Variants in MAPK10 observed in about 807,000 individuals in gnomAD.
The protein encoded by MAPK10 is JNK3 alpha protein kinase.
In MAPK10, 25 loss-of-function variants were observed where a neutral mutation model predicts 59.3. The ratio of observed to expected loss-of-function variants is 0.42; its 90% CI spans 0.31 to 0.59. The LOEUF (loss-of-function observed/expected upper bound fraction) is 0.59, where lower values mean the gene tolerates loss of function less well. Among genes scored for constraint, MAPK10 ranks in the 20% least tolerant of loss-of-function variants. MAPK10 has a pLI of 0.15. For missense variants in MAPK10, 351 were observed against 568.9 expected (o/e 0.62, Z 3.90); for synonymous variants, 190 against 200.5 (o/e 0.95, Z 0.44).
intron 9 of MAPK10, among the ~76,000 whole-genome samples, chr4:86,083,015 A>G (rs768089856): frequency 6.6e-6 from 1 of 152,194 alleles, no homozygotes; most frequent in Non-Finnish European, 1.5e-5. Context: ...ACATATACTT[A>G]AAATACCTAC....
chr4:86,377,723 T>C (rs1453667126), intron 1 of MAPK10, among the ~76,000 whole-genome samples: 1 of 152,188 alleles, frequency 6.6e-6, no homozygotes, highest in African/African-American at 2.4e-5. Context: ...CTTCCTCCTC[T>C]ATAGTCTATT....
chr4:86,174,535 A>G (rs1328287411), intron 3 of MAPK10, among the ~76,000 whole-genome samples: 1 of 152,182 alleles, frequency 6.6e-6, no homozygotes, highest in Non-Finnish European at 1.5e-5. Context: ...TAGGTGCAGG[A>G]AATCATCATG....
chr4:86,423,490 T>C (rs145482079), intron 1 of MAPK10, among the ~76,000 whole-genome samples: 145 of 152,194 alleles, frequency 9.5e-4, no homozygotes, highest in African/African-American at 3.4e-3. Flanking sequence ...AAACAAATGG[T>C]GGCAGTGGCT....
intron 2 of MAPK10, among the ~76,000 whole-genome samples, chr4:86,348,341 T>C (rs970949010): frequency 2.6e-5 from 4 of 152,150 alleles, no homozygotes; most frequent in Non-Finnish European, 5.9e-5. Context: ...AATAGGAATG[T>C]TCAGTAGTAT....
At chr4:86,164,386 T>C (rs2070891333) in intron 3 of MAPK10, 1 of 152,126 alleles carries the variant, frequency 6.6e-6, no homozygotes, top group Admixed American at 6.6e-5. Flanking sequence ...GCACAAAACT[T>C]AGTGTCACGC....
At chr4:86,471,237 C>T (rs541415308) in intron 1 of MAPK10, among the ~76,000 whole-genome samples, 2 of 147,354 alleles carry the variant, frequency 1.4e-5, no homozygotes, top group African/African-American at 5.0e-5. Context: ...CCATTGCACT[C>T]CAGCCTGAGC....
At chr4:86,018,687 C>G (rs938814829) in intron 13 of MAPK10, among the ~76,000 whole-genome samples, 1 of 152,152 alleles carries the variant, frequency 6.6e-6, no homozygotes, top group African/African-American at 2.4e-5. Flanking sequence ...TTCTTTATAC[C>G]TAAGCAATCT....
At chr4:86,288,475 C>T (rs922631886) in intron 2 of MAPK10, among the ~76,000 whole-genome samples, 1 of 151,988 alleles carries the variant, frequency 6.6e-6, no homozygotes, top group Non-Finnish European at 1.5e-5. Context: ...TGTCACTCAA[C>T]TATTTTCTAA....
In MAPK10 at chr4:86,011,623, CCTT is replaced by C. The variant is rs1167645705; in HGVS notation, c.*5602_*5604del. On this transcript the variant is annotated 3_prime_UTR_variant, in exon 14 of 14. Coordinates refer to ENST00000641462, the MANE Select transcript of MAPK10 (RefSeq NM_138982.4). Reference sequence around the variant, plus strand: ...CAATCATCTTGTGGAATGCAATTTCCCTTCTTATTATTGTGGGTATTTTTAGGT... The same window carrying C: ...CAATCATCTTGTGGAATGCAATTTCCCTTATTATTGTGGGTATTTTTAGGT... 2.0e-5 allele frequency: 3 copies of C among 152,068 alleles called. No individual in the cohort carries two copies. Among genetic ancestry groups the C allele is most frequent in the African/African-American group, 7.2e-5 (3 of 41,398 alleles). The allele number at this position is 152,068 out of a possible 1,614,324, so 9.4% of individuals were successfully genotyped here. A position where few individuals can be genotyped will look rare whatever the true frequency, so the allele number is the denominator to read the frequency against.
intron 2 of MAPK10, among the ~76,000 whole-genome samples, chr4:86,341,214 T>A (rs980548649): frequency 2.0e-5 from 3 of 152,198 alleles, no homozygotes; most frequent in African/African-American, 7.2e-5. Context: ...TAGCCCAATA[T>A]ACTCTTGAAG....
chr4:86,228,086 G>A (rs75415633), intron 2 of MAPK10, among the ~76,000 whole-genome samples: 7,071 of 152,286 alleles, frequency 0.046, 209 homozygotes, highest in African/African-American at 0.072. Context: ...GGTACACTAA[G>A]TAAGCTTAGG....
intron 1 of MAPK10, among the ~76,000 whole-genome samples, chr4:86,498,712 T>C (rs1234952528): frequency 6.6e-6 from 1 of 152,190 alleles, no homozygotes; most frequent in Non-Finnish European, 1.5e-5. Context: ...CACAAATATG[T>C]AGGGTACACC....
intron 1 of MAPK10, among the ~76,000 whole-genome samples, chr4:86,551,187 A>T (rs1191714112): frequency 6.6e-6 from 1 of 152,172 alleles, no homozygotes; most frequent in Non-Finnish European, 1.5e-5. Context: ...GCATATGTAT[A>T]TGTGTTAGCC....
At chr4:86,394,921 G>A (rs1266735105) in intron 1 of MAPK10, among the ~76,000 whole-genome samples, 2 of 152,170 alleles carry the variant, frequency 1.3e-5, no homozygotes, top group African/African-American at 4.8e-5. Context: ...AGCTGCTCTA[G>A]CGGCTGAGGG....
intron 1 of MAPK10, among the ~76,000 whole-genome samples, chr4:86,555,100 G>A (rs1030268614): frequency 6.6e-6 from 1 of 152,166 alleles, no homozygotes; most frequent in African/African-American, 2.4e-5. Flanking sequence ...TTATTTCTGT[G>A]TATTCAATTT....
intron 9 of MAPK10, among the ~76,000 whole-genome samples, chr4:86,071,478 C>A (rs943312308): frequency 5.6e-5 from 8 of 143,370 alleles, no homozygotes; most frequent in African/African-American, 2.2e-4. Flanking sequence ...ATGCCTATGT[C>A]CTGAATGGTA....
chr4:86,168,925 G>T (rs2072991481), intron 3 of MAPK10, among the ~76,000 whole-genome samples: 1 of 152,170 alleles, frequency 6.6e-6, no homozygotes. Context: ...CTGTTCCGAA[G>T]CCATCCCTGC....
Position 86,015,556 on chromosome 4 carries a change from T to C in MAPK10, c.*1672A>G, listed in dbSNP as rs1743008710. 1 of 152,228 alleles carries C rather than the reference T, an allele frequency of 6.6e-6. No individual in the cohort carries two copies. Among genetic ancestry groups the C allele is most frequent in the Non-Finnish European group, 1.5e-5 (1 of 68,030 alleles). The allele number at this position is 152,228 out of a possible 1,614,324, so 9.4% of individuals were successfully genotyped here. The stretch of plus-strand genomic sequence containing the variant: ...AAGCCTGATTATTGCTGAGATCACC[T>C]TGGTATTGCCTTGTACATAACCAAG... On this transcript the variant is annotated 3_prime_UTR_variant, in exon 14 of 14. Transcript: ENST00000641462.
chr4:86,236,651 C>T (rs1038722057), intron 2 of MAPK10, among the ~76,000 whole-genome samples: 5 of 152,102 alleles, frequency 3.3e-5, no homozygotes, highest in African/African-American at 1.2e-4. Context: ...ATGAAGGCAT[C>T]AAGCTATTGT....
Sources: gnomAD v4.1 joint callset for allele counts (sites outside exome capture counted in the v4.1 genomes callset) on GRCh38, gnomAD v4.1.1 for gene constraint, MANE v1.5 for transcripts, NCBI Gene and HGNC (gene_info 2026-07-23, HGNC 2026-07-21) for gene names.